Variants in APLP2 observed in about 807,000 individuals in gnomAD.
APLP2 encodes the protein amyloid beta precursor like protein 2, also known as CDEI box-binding protein.
APLP2 carries 53 observed loss-of-function variants against 89.9 expected under a neutral mutation model. The observed-to-expected ratio is 0.59, with a 90% confidence interval of 0.47 to 0.74. The LOEUF is 0.74. Ranked by LOEUF, APLP2 falls within the 30% of genes least tolerant of loss-of-function variation. APLP2 has a pLI of 0.00. For synonymous variants in APLP2, 372 were observed against 348.6 expected (o/e 1.07, Z -0.75); for missense variants, 973 against 975.9 (o/e 1.00, Z 0.04).
chr11:130,087,327 CT>C (rs2135481174), intron 1 of APLP2, among the ~76,000 whole-genome samples: 1 of 152,274 alleles, frequency 6.6e-6, no homozygotes, highest in South Asian at 2.1e-4. Flanking sequence ...TTTGACCTTC[CT>C]TGTGTCTTAA....
chr11:130,091,713 C>CG (rs1219604961), intron 1 of APLP2, among the ~76,000 whole-genome samples: 5 of 123,580 alleles, frequency 4.0e-5, no homozygotes, highest in African/African-American at 1.8e-4. Flanking sequence ...GCTGGCCGGG[C>CG]GGGGGGCTGA....
intron 3 of APLP2, among the ~76,000 whole-genome samples, chr11:130,114,540 G>GC: frequency 6.6e-6 from 1 of 152,296 alleles, no homozygotes; most frequent in South Asian, 2.1e-4. Flanking sequence ...GCCAGTGGGG[G>GC]CCCCGTTATG....
chr11:130,093,398 C>T (rs2135575086), intron 1 of APLP2, among the ~76,000 whole-genome samples: 1 of 152,210 alleles, frequency 6.6e-6, no homozygotes, highest in East Asian at 1.9e-4. Flanking sequence ...GAAGAGGGGG[C>T]ATAACATCTA....
At chr11:130,136,678 C>T (rs1281363186) in intron 13 of APLP2, among the ~76,000 whole-genome samples, 3 of 152,166 alleles carry the variant, frequency 2.0e-5, no homozygotes, top group African/African-American at 7.2e-5. Context: ...CTAGCGATCC[C>T]AGAGCAGTTG....
In APLP2 at chr11:130,123,529, C is replaced by G. The variant is rs3886744; in HGVS notation, c.923-83C>G. The G allele has an allele frequency of 0.061, 89,065 of 1,449,408 alleles. 3,164 individuals carry two copies. The highest frequency in any genetic ancestry group is 0.14 in the East Asian group (5,998 of 43,290). The allele number at this position is 1,449,408 out of a possible 1,614,324, so 89.8% of individuals were successfully genotyped here. ...AGTCTCAGGCCTCCCCCAGCCCATC[C>G]CCCAGCTCGCCAGCCTGTAGCATTT... On this transcript the variant is annotated intron_variant, in intron 6 of 16. Transcript: ENST00000338167. The surrounding 1 kb of genome is among the most constrained non-coding windows in gnomAD (Gnocchi z 4.0).
At chr11:130,080,553 A>G (rs1243362619) in intron 1 of APLP2, among the ~76,000 whole-genome samples, 2 of 151,880 alleles carry the variant, frequency 1.3e-5, no homozygotes, top group Non-Finnish European at 2.9e-5. Flanking sequence ...TTTGAGGTCT[A>G]GGCTAATGTG....
At chr11:130,133,018 G>C (rs1951106152) in intron 11 of APLP2, among the ~76,000 whole-genome samples, 1 of 149,150 alleles carries the variant, frequency 6.7e-6, no homozygotes, top group South Asian at 2.1e-4. Flanking sequence ...AGTAGTAAGT[G>C]CCTTGTATGA....
chr11:130,111,823 C>T (rs1476261708), intron 3 of APLP2, among the ~76,000 whole-genome samples: 2 of 152,084 alleles, frequency 1.3e-5, no homozygotes, highest in Non-Finnish European at 2.9e-5. Flanking sequence ...TTCATTTGCT[C>T]GTTAAAAAAG....
chr11:130,110,072 T>A (rs1948356773), intron 2 of APLP2, among the ~76,000 whole-genome samples: 1 of 152,222 alleles, frequency 6.6e-6, no homozygotes, highest in Non-Finnish European at 1.5e-5. Flanking sequence ...ACTCCTGGCC[T>A]CAAGCCATCC....
At chr11:130,095,816 G>A (rs1946125059) in intron 1 of APLP2, among the ~76,000 whole-genome samples, 1 of 152,240 alleles carries the variant, frequency 6.6e-6, no homozygotes, top group African/African-American at 2.4e-5. Flanking sequence ...TACTAGTTTA[G>A]TGCAGTATCT....
chr11:130,071,829 A>G (rs1941161049), intron 1 of APLP2, among the ~76,000 whole-genome samples: 1 of 152,194 alleles, frequency 6.6e-6, no homozygotes, highest in African/African-American at 2.4e-5. Flanking sequence ...TTGGAGCTGT[A>G]TTTTTGCTCA....
At position 130,084,645 on chromosome 11, in the gene APLP2, A is replaced by G. The variant is rs1247876323; in HGVS notation, c.105+14563A>G. 3.3e-5 allele frequency among the ~76,000 whole-genome samples: 5 copies of G among 152,212 alleles called. No homozygotes were observed. The East Asian group carries it at 9.6e-4, about 29-fold the overall frequency. ...GATGATGTTTTGAACGAATGAAAAC[A>G]CAACATACCAAAACCCTTGGGATGC... is the stretch of plus-strand genomic sequence containing the variant. On this transcript the variant is annotated intron_variant, in intron 1 of 16. Coordinates refer to ENST00000338167, the MANE Select transcript of APLP2 (RefSeq NM_001142276.2).
chr11:130,129,955 A>G, intron 10 of APLP2, 83 bp from the exon 11 acceptor site: 1 of 1,494,360 alleles, frequency 6.7e-7, no homozygotes. Flanking sequence ...TACATTCTTA[A>G]GTGAACTTTT....
chr11:130,083,952 GT>G (rs1490526694), intron 1 of APLP2, among the ~76,000 whole-genome samples: 1 of 152,092 alleles, frequency 6.6e-6, no homozygotes, highest in African/African-American at 2.4e-5. Context: ...GCATACAGGA[GT>G]TCCGATTTCT....
chr11:130,092,222 C>G (rs1422570901), intron 1 of APLP2, among the ~76,000 whole-genome samples: 1 of 140,666 alleles, frequency 7.1e-6, no homozygotes, highest in Non-Finnish European at 1.5e-5. Flanking sequence ...GGCGGAGACG[C>G]TCCTCACTTT....
intron 13 of APLP2, chr11:130,137,313 C>T (rs749137752): frequency 6.2e-7 from 1 of 1,605,762 alleles, no homozygotes; most frequent in South Asian, 1.1e-5. Context: ...CAAGATGTTC[C>T]CTTTAAGACC....
chr11:130,140,186 A>G (rs546252763), intron 13 of APLP2, among the ~76,000 whole-genome samples: 40 of 152,324 alleles, frequency 2.6e-4, no homozygotes, highest in Non-Finnish European at 5.0e-4. Context: ...CTCCTCCTCC[A>G]TTATACCCAT....
chr11:130,094,680 T>C (rs1945949233), intron 1 of APLP2, among the ~76,000 whole-genome samples: 1 of 152,370 alleles, frequency 6.6e-6, no homozygotes, highest in South Asian at 2.1e-4. Context: ...CTTTTTGGGA[T>C]CTGTCATGTT....
chr11:130,094,047 A>ATTT (rs138605738), intron 1 of APLP2, among the ~76,000 whole-genome samples: 21 of 76,348 alleles, frequency 2.8e-4, no homozygotes, highest in South Asian at 4.9e-4. Context: ...TCCCGGCCGT[A>ATTT]TTTTTTTTTT....
Sources: gnomAD v4.1 joint callset for allele counts (sites outside exome capture counted in the v4.1 genomes callset) on GRCh38, gnomAD v4.1.1 for gene constraint, Gnocchi (gnomAD v3.1) non-coding constraint, MANE v1.5 for transcripts, NCBI Gene and HGNC (gene_info 2026-07-23, HGNC 2026-07-21) for gene names.